STX19: variants seen among roughly 807,000 people sequenced by gnomAD.
STX19 encodes the protein syntaxin 19, also known as syntaxin-19.
Under a neutral mutation model 24.3 loss-of-function variants are expected in STX19, and 26 were observed. The ratio of observed to expected loss-of-function variants is 1.07; its 90% confidence interval spans 0.78 to 1.48. The LOEUF is 1.48. STX19 is among the 40% of genes most tolerant of loss of function. The pLI, the probability that STX19 is intolerant of heterozygous loss-of-function variation, is 0.00. For missense variants in STX19, 367 were observed against 331.9 expected, an observed-to-expected ratio of 1.11 and a Z score of -0.82; for synonymous variants, 116 against 106.9, an observed-to-expected ratio of 1.09 and a Z score of -0.52.
rs756634647 is a variant in STX19 at position 94,015,084 on chromosome 3, G to C, written c.186C>G (p.Asn62Lys). 8 of 1,613,790 alleles carry C rather than the reference G, an allele frequency of 5.0e-6. No homozygotes were observed. Among genetic ancestry groups the C allele is most frequent in the Non-Finnish European group, 6.8e-6 (8 of 1,179,914 alleles). The change falls in exon 2 of 2, where the codon AAC becomes AAG. Residue 62 changes from asparagine (N) to lysine (K), a missense_variant. Coordinates refer to ENST00000315099, the MANE Select transcript of STX19 (RefSeq NM_001001850.3). ...HEIQKLQESI[N>K]NLADNVQKFG... ...ATTTTTGAACATTATCTGCCAAATT[G>C]TTAATACTTTCCTGTAGTTTTTGGA...
At chr3:94,024,103 C>G (rs539075229) in intron 1 of STX19, among the ~76,000 whole-genome samples, 153 of 152,260 alleles carry the variant, frequency 1.0e-3, no homozygotes, top group African/African-American at 3.5e-3. Flanking sequence ...CTTGTACTAG[C>G]TTGTCACTAT....
intron 1 of STX19, among the ~76,000 whole-genome samples, chr3:94,022,354 A>T (rs1388165203): frequency 6.6e-6 from 1 of 151,662 alleles, no homozygotes; most frequent in East Asian, 1.9e-4. Context: ...TTGAACTCCT[A>T]ACCTCAAGTG....
At chr3:94,020,133 A>G (rs1368147878) in intron 1 of STX19, among the ~76,000 whole-genome samples, 2 of 152,166 alleles carry the variant, frequency 1.3e-5, no homozygotes, top group African/African-American at 4.8e-5. Flanking sequence ...TCATTCTGGT[A>G]CCTCATAGAG....
chr3:94,018,140 T>C (rs1339657101), intron 1 of STX19, among the ~76,000 whole-genome samples: 1 of 152,164 alleles, frequency 6.6e-6, no homozygotes, highest in Non-Finnish European at 1.5e-5. Flanking sequence ...TCAAGCCATC[T>C]GTTCGCCTTG....
chr3:94,022,995 T>C (rs1210330076), intron 1 of STX19, among the ~76,000 whole-genome samples: 1 of 152,016 alleles, frequency 6.6e-6, no homozygotes, highest in Non-Finnish European at 1.5e-5. Flanking sequence ...CTTTTGAGGC[T>C]CCTTTCCTGG....
chr3:94,017,008 GT>G (rs984844811), intron 1 of STX19, among the ~76,000 whole-genome samples: 1 of 152,172 alleles, frequency 6.6e-6, no homozygotes, highest in Admixed American at 6.5e-5. Flanking sequence ...ATAGTCTGAT[GT>G]ATGGATAGAC....
At chr3:94,016,078 A>C (rs2076328161) in intron 1 of STX19, among the ~76,000 whole-genome samples, 1 of 152,140 alleles carries the variant, frequency 6.6e-6, no homozygotes, top group African/African-American at 2.4e-5. Flanking sequence ...GTTATCTGTA[A>C]GAATCAAATT....
chr3:94,027,346 CT>C (rs913843392), intron 1 of STX19, among the ~76,000 whole-genome samples: 5 of 151,894 alleles, frequency 3.3e-5, no homozygotes, highest in Admixed American at 6.6e-5. Flanking sequence ...AAGTATCTGA[CT>C]TTTTTTGCAA....
chr3:94,024,780 G>T (rs2076521823), intron 1 of STX19, among the ~76,000 whole-genome samples: 1 of 151,962 alleles, frequency 6.6e-6, no homozygotes, highest in Admixed American at 6.6e-5. Context: ...TAAAGATGAG[G>T]TCTTGCTGTG....
intron 1 of STX19, among the ~76,000 whole-genome samples, chr3:94,022,417 C>T (rs1437499232): frequency 6.6e-6 from 1 of 152,120 alleles, no homozygotes; most frequent in Non-Finnish European, 1.5e-5. Flanking sequence ...TGAGCCACCG[C>T]ACCCGGCTGC....
chr3:94,023,578 A>G (rs1164867345), intron 1 of STX19, among the ~76,000 whole-genome samples: 3 of 152,114 alleles, frequency 2.0e-5, no homozygotes, highest in African/African-American at 4.8e-5. Context: ...AGAAAATTAA[A>G]GAAACAGTCC....
intron 1 of STX19, among the ~76,000 whole-genome samples, chr3:94,024,409 T>C (rs1272877714): frequency 6.6e-6 from 1 of 152,202 alleles, no homozygotes; most frequent in Non-Finnish European, 1.5e-5. Flanking sequence ...TCCATAAAAA[T>C]TAAGTCCTAT....
chr3:94,014,371 T>G lies in STX19; in HGVS notation c.*14A>C. On this transcript the variant is annotated 3_prime_UTR_variant, in exon 2 of 2. Coordinates refer to ENST00000315099, the MANE Select transcript of STX19 (RefSeq NM_001001850.3). ...TTTTACCGTAAAGCTGGAAAAAGTTTTAAAATAGCTTCTTTATTTTGAGCT... is the reference window on the plus strand; with the variant it reads ...TTTTACCGTAAAGCTGGAAAAAGTTGTAAAATAGCTTCTTTATTTTGAGCT... 2 of 1,512,422 alleles carry G rather than the reference T, an allele frequency of 1.3e-6. No homozygotes were observed. The highest frequency in any genetic ancestry group is 1.8e-6 in the Non-Finnish European group (2 of 1,138,372). The allele number at this position is 1,512,422 out of a possible 1,614,324, so 93.7% of individuals were successfully genotyped here.
intron 1 of STX19, among the ~76,000 whole-genome samples, chr3:94,024,705 C>T (rs1304494419): frequency 6.6e-6 from 1 of 152,108 alleles, no homozygotes; most frequent in Non-Finnish European, 1.5e-5. Flanking sequence ...TCTCCCTCAG[C>T]CTCCCGAGTA....
chr3:94,015,408 AAGTT>A, intron 1 of STX19, 126 bp from the exon 2 acceptor site: 4 of 611,904 alleles, frequency 6.5e-6, no homozygotes, highest in Admixed American at 3.6e-5. Context: ...TGAGGTTAAA[AAGTT>A]AGAAAAAACC....
chr3:94,019,206 T>C (rs2076397094), intron 1 of STX19, among the ~76,000 whole-genome samples: 1 of 152,140 alleles, frequency 6.6e-6, no homozygotes, highest in African/African-American at 2.4e-5. Context: ...TTGTTAATTT[T>C]TTATTTTTGA....
At chr3:94,024,519 C>A (rs1003026729) in intron 1 of STX19, among the ~76,000 whole-genome samples, 1 of 152,198 alleles carries the variant, frequency 6.6e-6, no homozygotes, top group Admixed American at 6.5e-5. Context: ...TGGTTTGGAA[C>A]AAATCCTGAA....
intron 1 of STX19, among the ~76,000 whole-genome samples, chr3:94,022,317 G>A (rs1211828803): frequency 6.6e-6 from 1 of 151,930 alleles, no homozygotes; most frequent in Admixed American, 6.6e-5. Flanking sequence ...ATAGAGATGG[G>A]GTTTTACCAT....
chr3:94,027,887 C>A (rs1249263472), intron 1 of STX19, among the ~76,000 whole-genome samples: 1 of 151,932 alleles, frequency 6.6e-6, no homozygotes, highest in Non-Finnish European at 1.5e-5. Flanking sequence ...TTAGAAGATT[C>A]TAGTAAACAA....
Sources: gnomAD v4.1 joint callset for allele counts (sites outside exome capture counted in the v4.1 genomes callset) on GRCh38, gnomAD v4.1.1 for gene constraint, MANE v1.5 for transcripts, NCBI Gene and HGNC (gene_info 2026-07-23, HGNC 2026-07-21) for gene names.